The following PATZ1 variants were observed in gnomAD, a reference collection of about 807,000 sequenced individuals.
PATZ1 encodes POZ-, AT hook-, and zinc finger-containing protein 1.
Under a neutral mutation model 46.2 loss-of-function variants are expected in PATZ1, and 9 were observed. The observed-to-expected ratio is 0.19, with a 90% CI of 0.12 to 0.34. The LOEUF (loss-of-function observed/expected upper bound fraction) is 0.34, where lower values mean the gene tolerates loss of function less well. Ranked by LOEUF, PATZ1 falls within the 10% of genes least tolerant of loss-of-function variation. PATZ1 has a pLI of 1.00. For missense variants in PATZ1, 632 were observed against 923.0 expected (o/e 0.68, Z 4.08); for synonymous variants, 426 against 378.6 (o/e 1.13, Z -1.45).
chr22:31,339,238 C>T (rs778616829), intron 2 of PATZ1, among the ~76,000 whole-genome samples: 7 of 152,270 alleles, frequency 4.6e-5, no homozygotes, highest in Non-Finnish European at 8.8e-5. Context: ...AGCTAACTTT[C>T]GCCTGAGCAA....
intron 3 of PATZ1, among the ~76,000 whole-genome samples, chr22:31,334,209 C>A (rs1014307637): frequency 1.3e-5 from 2 of 152,186 alleles, no homozygotes; most frequent in Non-Finnish European, 2.9e-5. Context: ...GGGGAAGCCC[C>A]AGTCAAGACA....
intron 2 of PATZ1, chr22:31,341,359 C>G: frequency 2.0e-6 from 3 of 1,506,382 alleles, no homozygotes; most frequent in Non-Finnish European, 2.7e-6. Context: ...GGCCAAATGC[C>G]CCTCCTGTTC....
chr22:31,340,303 T>C (rs2049564030), intron 2 of PATZ1, among the ~76,000 whole-genome samples: 1 of 152,210 alleles, frequency 6.6e-6, no homozygotes, highest in Admixed American at 6.5e-5. Flanking sequence ...CTGGCCTCTT[T>C]CATTCTCTCT....
chr22:31,331,031 A>G (rs1345225781), intron 3 of PATZ1, among the ~76,000 whole-genome samples: 1 of 152,222 alleles, frequency 6.6e-6, no homozygotes, highest in Non-Finnish European at 1.5e-5. Context: ...TGTCTAGACC[A>G]GGTGCTGGTG....
chr22:31,335,630 C>G, intron 3 of PATZ1, 62 bp downstream of exon 3: 1 of 1,525,264 alleles, frequency 6.6e-7, no homozygotes, highest in Admixed American at 1.7e-5. Context: ...TGAGACACCC[C>G]TAGGCCTCCC....
chr22:31,327,166 T>C lies in PATZ1; in HGVS notation c.1789A>G (p.Met597Val). Residue 597 changes from methionine to valine, a missense_variant, in exon 5 of 5, where the codon ATG becomes GTG. Met to Val is a conservative substitution (Grantham distance 21). Coordinates refer to ENST00000266269, the MANE Select transcript of PATZ1 (RefSeq NM_014323.3). This position sits in a 1 kb window ranked among gnomAD's most constrained non-coding sequence, Gnocchi z 4.2. Reference sequence around the variant, plus strand: ...TACTTCTTCTCCCCATCAGACTCCATTTTGTTTTTGGGGACTGCCATGTCG... The same window carrying C: ...TACTTCTTCTCCCCATCAGACTCCACTTTGTTTTTGGGGACTGCCATGTCG... ...SCDMAVPKNKMESDGEKKYPC... is the reference protein window; with the variant it reads ...SCDMAVPKNKVESDGEKKYPC... The C allele has an allele frequency of 6.2e-7, 1 of 1,614,178 alleles. No individual in the cohort carries two copies. Among genetic ancestry groups the C allele is most frequent in the Non-Finnish European group, 8.5e-7 (1 of 1,180,036 alleles).
At chr22:31,343,490 C>T in intron 1 of PATZ1, 1 of 966,980 alleles carries the variant, frequency 1.0e-6, no homozygotes, top group Non-Finnish European at 1.2e-6. Flanking sequence ...AGCAGGTGGG[C>T]AGGGGCTGCC....
chr22:31,342,772 G>A, intron 2 of PATZ1, 125 bp downstream of exon 2: 1 of 913,470 alleles, frequency 1.1e-6, no homozygotes. Context: ...AGGAACAGAG[G>A]GGAGGTGTGC....
At chr22:31,339,289 A>G (rs2049550545) in intron 2 of PATZ1, among the ~76,000 whole-genome samples, 1 of 152,214 alleles carries the variant, frequency 6.6e-6, no homozygotes, top group Non-Finnish European at 1.5e-5. Flanking sequence ...GGGAAAAAAC[A>G]CAAACATGAC....
chr22:31,326,593 C>T lies in PATZ1; in HGVS notation c.*298G>A. 3.0e-6 allele frequency: 1 copy of T among 332,980 alleles called. No homozygotes were observed. Among genetic ancestry groups the T allele is most frequent in the East Asian group, 4.8e-5 (1 of 20,900 alleles). 20.6% of individuals were successfully genotyped at this position (332,980 alleles called of 1,614,324 possible). ...ACTAAGAATTGAGCACCAGGAATTC[C>T]AGCTTCTTCCCATTAAAGAAACTGG... On this transcript the variant is annotated 3_prime_UTR_variant, in exon 5 of 5. Coordinates refer to ENST00000266269, the MANE Select transcript of PATZ1 (RefSeq NM_014323.3).
At position 31,328,697 on chromosome 22, in the gene PATZ1, G is replaced by A. The variant is rs1328719239; in HGVS notation, c.1645+90C>T. The A allele has an allele frequency of 2.3e-5, 28 of 1,237,866 alleles. No homozygotes were observed. Among genetic ancestry groups the A allele is most frequent in the South Asian group, 4.9e-5 (4 of 82,056 alleles). 76.7% of individuals were successfully genotyped at this position (1,237,866 alleles called of 1,614,324 possible). A position where few individuals can be genotyped will look rare whatever the true frequency, so the allele number is the denominator to read the frequency against. ...GTCTCCTCAAGGCAGCCAGAAAGCC[G>A]GCAGCCTTCCCGCCTCCCCACGCCC... is the stretch of plus-strand genomic sequence containing the variant. On this transcript the variant is annotated intron_variant, in intron 4 of 4. Transcript: ENST00000266269. The surrounding 1 kb of genome is among the most constrained non-coding windows in gnomAD (Gnocchi z 4.8).
In PATZ1 at chr22:31,326,875, G is replaced by C; in HGVS notation, c.*16C>G. On this transcript the variant is annotated 3_prime_UTR_variant, in exon 5 of 5. Transcript: ENST00000266269. ...AGTCCCCAGATGGTTGTTTCCGTGG[G>C]GACACAGCAGCTGCCTCATTTCCCT... The C allele has an allele frequency of 6.2e-7, 1 of 1,600,214 alleles. No individual in the cohort carries two copies. Among genetic ancestry groups the C allele is most frequent in the African/African-American group, 1.3e-5 (1 of 74,474 alleles).
chr22:31,332,765 G>C (rs371826058), intron 3 of PATZ1, among the ~76,000 whole-genome samples: 2 of 152,238 alleles, frequency 1.3e-5, no homozygotes, highest in African/African-American at 2.4e-5. Flanking sequence ...TGGGGAGAAG[G>C]CTTCCTCTAC....
intron 2 of PATZ1, among the ~76,000 whole-genome samples, chr22:31,336,919 C>CT (rs1342384774): frequency 1.3e-5 from 2 of 151,320 alleles, no homozygotes; most frequent in Non-Finnish European, 2.9e-5. Flanking sequence ...ACCATCCTGG[C>CT]TAACACGGTG....
At position 31,328,736 on chromosome 22, in the gene PATZ1, C is replaced by T; in HGVS notation, c.1645+51G>A. Reference sequence around the variant, plus strand: ...CTCCCCACGCCCAGCCCAGCGCCCCCACAACACAGTCTGCGCAGAGAAGCA... The same window carrying T: ...CTCCCCACGCCCAGCCCAGCGCCCCTACAACACAGTCTGCGCAGAGAAGCA... On this transcript the variant is annotated intron_variant, in intron 4 of 4. Coordinates refer to ENST00000266269, the MANE Select transcript of PATZ1 (RefSeq NM_014323.3). This position sits in a 1 kb window ranked among gnomAD's most constrained non-coding sequence, Gnocchi z 4.8. 1.3e-6 allele frequency: 2 copies of T among 1,586,460 alleles called. No homozygotes were observed. Among genetic ancestry groups the T allele is most frequent in the Non-Finnish European group, 1.7e-6 (2 of 1,156,958 alleles).
At chr22:31,333,476 C>CTTTTTTTT (rs71319182) in intron 3 of PATZ1, among the ~76,000 whole-genome samples, 1 of 128,738 alleles carries the variant, frequency 7.8e-6, no homozygotes, top group Non-Finnish European at 1.6e-5. Flanking sequence ...TATCCTCTTC[C>CTTTTTTTT]TTTTTTTTTT....
intron 2 of PATZ1, chr22:31,341,654 C>T (rs760035637): frequency 1.1e-5 from 18 of 1,612,838 alleles, no homozygotes; most frequent in Middle Eastern, 1.6e-4. Flanking sequence ...GTTCCAGGGG[C>T]GGCAGGCCGC....
At chr22:31,329,095 G>T (rs931359741) in intron 3 of PATZ1, among the ~76,000 whole-genome samples, 171 bp from the exon 4 acceptor site, 1 of 152,240 alleles carries the variant, frequency 6.6e-6, no homozygotes, top group Non-Finnish European at 1.5e-5. Context: ...ATGTGACTCA[G>T]GATGGAGGGT....
intron 2 of PATZ1, 49 bp from the exon 3 acceptor site, chr22:31,335,912 C>G (rs1424340485): frequency 1.3e-6 from 2 of 1,546,756 alleles, no homozygotes; most frequent in African/African-American, 2.7e-5. Context: ...GCACCCCACA[C>G]CTGACTCCCC....
Sources: gnomAD v4.1 joint callset for allele counts (sites outside exome capture counted in the v4.1 genomes callset) on GRCh38, gnomAD v4.1.1 for gene constraint, Gnocchi (gnomAD v3.1) non-coding constraint, MANE v1.5 for transcripts, NCBI Gene and HGNC (gene_info 2026-07-23, HGNC 2026-07-21) for gene names.